The following PRAG1 variants were observed in gnomAD, a reference collection of about 807,000 sequenced individuals.
PRAG1 encodes the protein inactive tyrosine-protein kinase PRAG1.
Under a neutral mutation model 95.6 loss-of-function variants are expected in PRAG1, and 110 were observed. The observed-to-expected ratio is 1.15, with a 90% confidence interval of 0.99 to 1.35. The LOEUF (loss-of-function observed/expected upper bound fraction) is 1.35. Ranked by LOEUF, PRAG1 falls within the 40% of genes most tolerant of loss-of-function variation. The pLI is 0.00. For missense variants in PRAG1, 2,554 were observed against 1,864.7 expected (o/e 1.37, Z -6.81); for synonymous variants, 1,052 against 819.4 (o/e 1.28, Z -4.85).
chr8:8,379,215 G>A (rs1222931640), intron 2 of PRAG1, among the ~76,000 whole-genome samples: 1 of 152,176 alleles, frequency 6.6e-6, no homozygotes, highest in East Asian at 1.9e-4. Context: ...CTATGCCAGA[G>A]GTCATCTTTC....
At chr8:8,332,380 C>G (rs1297250000) in intron 4 of PRAG1, among the ~76,000 whole-genome samples, 1 of 152,048 alleles carries the variant, frequency 6.6e-6, no homozygotes, top group Non-Finnish European at 1.5e-5. Context: ...CCAGGCTGGT[C>G]TTGAACTTCT....
intron 3 of PRAG1, among the ~76,000 whole-genome samples, chr8:8,361,741 A>G (rs991544206): frequency 1.3e-5 from 2 of 152,228 alleles, no homozygotes; most frequent in African/African-American, 4.8e-5. Flanking sequence ...GACAGACTCA[A>G]TCTTCATCTG....
At chr8:8,371,131 C>CAAAAAAAAAAAAAAAAAAAAAAA (rs549978543) in intron 3 of PRAG1, among the ~76,000 whole-genome samples, 1 of 81,602 alleles carries the variant, frequency 1.2e-5, no homozygotes, top group Non-Finnish European at 2.8e-5. Context: ...GATTCTGTCT[C>CAAAAAAAAAAAAAAAAAAAAAAA]AAAAAAAAAA....
intron 3 of PRAG1, among the ~76,000 whole-genome samples, chr8:8,368,809 C>T (rs1800096842): frequency 6.6e-6 from 1 of 151,584 alleles, no homozygotes; most frequent in Non-Finnish European, 1.5e-5. Flanking sequence ...AAAACCACAC[C>T]TTAGAATTCC....
Position 8,318,377 on chromosome 8 carries a change from C to G in PRAG1, c.3998G>C (p.Arg1333Pro). The G allele has an allele frequency of 6.2e-7, 1 of 1,613,442 alleles. No homozygotes were observed. Among genetic ancestry groups the G allele is most frequent in the Non-Finnish European group, 8.5e-7 (1 of 1,179,652 alleles). The change falls in exon 6 of 6, where the codon CGG (arginine) becomes CCG (proline). Residue 1333 changes from arginine to proline, a missense_variant. Physicochemically the swap from Arg to Pro is moderately radical, Grantham distance 103. Transcript: ENST00000615670. This position sits in a 1 kb window ranked among gnomAD's most constrained non-coding sequence, Gnocchi z 4.2. ...RVLQCLLWGP[R>P]RELVQQPGTS... ...GCCCGGCTGCTGCACCAGCTCGCGCCGAGGCCCCCACAGCAGGCACTGCAG... is the reference window on the plus strand; with the variant it reads ...GCCCGGCTGCTGCACCAGCTCGCGCGGAGGCCCCCACAGCAGGCACTGCAG...
intron 2 of PRAG1, among the ~76,000 whole-genome samples, chr8:8,378,387 A>G (rs1800509212): frequency 6.6e-6 from 1 of 152,206 alleles, no homozygotes; most frequent in Non-Finnish European, 1.5e-5. Context: ...CTGAAAAAGA[A>G]CACTGTGCCT....
At chr8:8,338,396 T>C (rs1465190746) in intron 4 of PRAG1, among the ~76,000 whole-genome samples, 1 of 152,144 alleles carries the variant, frequency 6.6e-6, no homozygotes, top group Admixed American at 6.5e-5. Flanking sequence ...TCCAAGAGAG[T>C]GGATCAGAGC....
intron 3 of PRAG1, among the ~76,000 whole-genome samples, chr8:8,351,229 G>A (rs1408913418): frequency 6.6e-6 from 1 of 152,118 alleles, no homozygotes; most frequent in African/African-American, 2.4e-5. Flanking sequence ...GCAAGAGTAG[G>A]AGGAAGAGAG....
At chr8:8,342,578 C>T (rs933046095) in intron 3 of PRAG1, among the ~76,000 whole-genome samples, 1 of 152,070 alleles carries the variant, frequency 6.6e-6, no homozygotes, top group African/African-American at 2.4e-5. Context: ...CATCAAGGAC[C>T]AGTTGCTGTA....
At chr8:8,341,648 T>C (rs10110648) in intron 3 of PRAG1, among the ~76,000 whole-genome samples, 19,736 of 152,268 alleles carry the variant, frequency 0.13, 1,409 homozygotes, top group African/African-American at 0.18. Context: ...TGATGAGTTA[T>C]GTTAATAGCT....
rs559566852 is a variant in PRAG1, at chr8:8,356,537, G to A, written c.2163-16902C>T. ...ATTTTTTTGTATTTTTTGTAGAGAT[G>A]AGGTTTCATTATGTTTCCCAGACTG... On this transcript the variant is annotated intron_variant, in intron 3 of 5. Coordinates refer to ENST00000615670, the MANE Select transcript of PRAG1 (RefSeq NM_001080826.3). Among the ~76,000 whole-genome samples, 22 of 152,132 alleles carry A rather than the reference G, an allele frequency of 1.4e-4. No individual in the cohort carries two copies. In the East Asian group the frequency reaches 4.3e-3, roughly 29 times the overall value.
chr8:8,364,065 G>C (rs748611817), intron 3 of PRAG1, among the ~76,000 whole-genome samples: 1 of 152,136 alleles, frequency 6.6e-6, no homozygotes, highest in Non-Finnish European at 1.5e-5. Context: ...CCTTGTTTAT[G>C]TCCCCTTACT....
chr8:8,362,804 A>C (rs1585259753), intron 3 of PRAG1, among the ~76,000 whole-genome samples: 2 of 152,266 alleles, frequency 1.3e-5, no homozygotes, highest in African/African-American at 4.8e-5. Flanking sequence ...TCCTATCTCT[A>C]CTGGCTGGAG....
chr8:8,353,781 T>A (rs1034636307), intron 3 of PRAG1, among the ~76,000 whole-genome samples: 1 of 151,870 alleles, frequency 6.6e-6, no homozygotes, highest in African/African-American at 2.4e-5. Context: ...CACTCTAGCC[T>A]GAGTGACAGA....
intron 5 of PRAG1, among the ~76,000 whole-genome samples, chr8:8,325,403 A>T (rs765433934): frequency 6.6e-6 from 1 of 151,912 alleles, no homozygotes; most frequent in Non-Finnish European, 1.5e-5. Flanking sequence ...CAACTAGGAA[A>T]CCCCTGCGGC....
chr8:8,377,236 A>T lies in PRAG1; in HGVS notation c.1173T>A (p.Leu391=). Residue 391 remains leucine (L), a synonymous_variant, in exon 3 of 6, where the codon CTT becomes CTA. Transcript: ENST00000615670. ...GCPGVTPSRC[L]GLTGEPQPPA... ...GGGGCTGGGGCTCCCCCGTCAGCCCAAGGCATCTGCTAGGGGTCACCCCTG... is the reference window on the plus strand; with the variant it reads ...GGGGCTGGGGCTCCCCCGTCAGCCCTAGGCATCTGCTAGGGGTCACCCCTG... The T allele has an allele frequency of 6.2e-7, 1 of 1,612,784 alleles. No homozygotes were observed. The highest frequency in any genetic ancestry group is 8.5e-7 in the Non-Finnish European group (1 of 1,179,954).
chr8:8,365,922 G>T (rs531849616), intron 3 of PRAG1, among the ~76,000 whole-genome samples: 4 of 152,154 alleles, frequency 2.6e-5, no homozygotes, highest in Non-Finnish European at 5.9e-5. Flanking sequence ...GGAGATTGCA[G>T]TGAGCTGAGA....
At chr8:8,350,806 C>G (rs1029595824) in intron 3 of PRAG1, among the ~76,000 whole-genome samples, 1 of 152,208 alleles carries the variant, frequency 6.6e-6, no homozygotes, top group Non-Finnish European at 1.5e-5. Flanking sequence ...AATGACAATA[C>G]ATACCTCATG....
At chr8:8,352,485 A>T (rs1435830141) in intron 3 of PRAG1, among the ~76,000 whole-genome samples, 1 of 152,148 alleles carries the variant, frequency 6.6e-6, no homozygotes, top group African/African-American at 2.4e-5. Flanking sequence ...TACTTGACCC[A>T]AATCAGCTGT....
Sources: gnomAD v4.1 joint callset for allele counts (sites outside exome capture counted in the v4.1 genomes callset) on GRCh38, gnomAD v4.1.1 for gene constraint, Gnocchi (gnomAD v3.1) non-coding constraint, MANE v1.5 for transcripts, NCBI Gene and HGNC (gene_info 2026-07-23, HGNC 2026-07-21) for gene names.